Variants in OSBPL10 observed in about 807,000 individuals in gnomAD.
The protein encoded by OSBPL10 is oxysterol-binding protein-related protein 10.
A neutral mutation model predicts 81.7 loss-of-function variants in OSBPL10; 49 were observed. The observed-to-expected ratio is 0.60, with a 90% CI of 0.48 to 0.76. The LOEUF (loss-of-function observed/expected upper bound fraction) is 0.76, where lower values mean the gene tolerates loss of function less well. OSBPL10 is among the 30% of genes least tolerant of loss of function. The pLI is 0.00. For synonymous variants in OSBPL10, 419 were observed against 383.6 expected (o/e 1.09, Z -1.08); for missense variants, 923 against 987.8 (o/e 0.93, Z 0.88).
At chr3:31,770,207 G>C (rs1299541823) in intron 4 of OSBPL10, among the ~76,000 whole-genome samples, 2 of 152,108 alleles carry the variant, frequency 1.3e-5, no homozygotes, top group East Asian at 1.9e-4. Flanking sequence ...CTAATGTTCA[G>C]GTTTAAACTG....
intron 3 of OSBPL10, among the ~76,000 whole-genome samples, chr3:31,870,543 G>A (rs1337373124): frequency 1.2e-4 from 19 of 152,360 alleles, no homozygotes; most frequent in South Asian, 1.0e-3. Flanking sequence ...CTGCAGCCCC[G>A]GTGCGGGATC....
intron 1 of OSBPL10, among the ~76,000 whole-genome samples, chr3:32,070,474 A>T (rs1458872119): frequency 1.3e-5 from 2 of 151,890 alleles, no homozygotes; most frequent in East Asian, 3.9e-4. Flanking sequence ...TCTTCCTCTC[A>T]TATCCCCCAA....
intron 2 of OSBPL10, among the ~76,000 whole-genome samples, chr3:31,987,157 C>T (rs13089767): frequency 0.16 from 24,984 of 152,008 alleles, 2,297 homozygotes; most frequent in South Asian, 0.32. Context: ...TCCTTCCCTT[C>T]GTCCAGACAC....
intron 4 of OSBPL10, among the ~76,000 whole-genome samples, chr3:31,825,282 T>C (rs1050581902): frequency 2.0e-5 from 3 of 152,156 alleles, no homozygotes; most frequent in Non-Finnish European, 4.4e-5. Flanking sequence ...GAAACACAGA[T>C]GCACAGGCCA....
At chr3:31,840,116 C>CA (rs1700456800) in intron 3 of OSBPL10, among the ~76,000 whole-genome samples, 1 of 151,502 alleles carries the variant, frequency 6.6e-6, no homozygotes, top group African/African-American at 2.4e-5. Context: ...TACTTTATGC[C>CA]AGTAATGAAT....
chr3:32,019,132 C>T (rs1575086621), intron 2 of OSBPL10, among the ~76,000 whole-genome samples: 6 of 150,044 alleles, frequency 4.0e-5, no homozygotes, highest in Admixed American at 4.0e-4. Flanking sequence ...ACATCACCCA[C>T]CCCCCCAAAT....
At chr3:32,047,870 T>G (rs1699637873) in intron 1 of OSBPL10, among the ~76,000 whole-genome samples, 1 of 152,092 alleles carries the variant, frequency 6.6e-6, no homozygotes, top group Non-Finnish European at 1.5e-5. Context: ...TTTCACCATG[T>G]TAGCCAGGAT....
At chr3:31,663,832 C>T (rs1193659674) in intron 11 of OSBPL10, 48 of 1,404,066 alleles carry the variant, frequency 3.4e-5, no homozygotes, top group Non-Finnish European at 4.2e-5. Flanking sequence ...GCTTTTCTGA[C>T]ATAGGGATAC....
intron 4 of OSBPL10, among the ~76,000 whole-genome samples, chr3:31,825,312 T>C (rs1700073577): frequency 1.3e-5 from 2 of 152,172 alleles, no homozygotes; most frequent in African/African-American, 4.8e-5. Flanking sequence ...CACAAGGAAG[T>C]ATCTTCCAGT....
rs546153519 is a variant in OSBPL10 at position 31,761,454 on chromosome 3, A to G, written c.730-13334T>C. The stretch of plus-strand genomic sequence containing the variant: ...ACCATTGCACTCCAACCTGGGCAAC[A>G]GAGTGAGACTCCATTTCAAAAAAAA... On this transcript the variant is annotated intron_variant, in intron 4 of 11. Coordinates refer to ENST00000396556, the MANE Select transcript of OSBPL10 (RefSeq NM_017784.5). 1.7e-4 allele frequency among the ~76,000 whole-genome samples: 25 copies of G among 150,392 alleles called. No individual in the cohort carries two copies. In the South Asian group the frequency reaches 3.0e-3, roughly 18 times the overall value.
intron 1 of OSBPL10, among the ~76,000 whole-genome samples, chr3:31,902,719 C>A (rs1048835564): frequency 2.6e-5 from 4 of 152,172 alleles, no homozygotes; most frequent in African/African-American, 4.8e-5. Context: ...CCCGCCACCA[C>A]GCCTGGCTAA....
At chr3:32,033,421 A>G (rs1699489967) in intron 2 of OSBPL10, among the ~76,000 whole-genome samples, 1 of 152,212 alleles carries the variant, frequency 6.6e-6, no homozygotes. Flanking sequence ...AAGGCACTCA[A>G]AAAATACTTG....
At chr3:32,063,756 T>C (rs564798662) in intron 1 of OSBPL10, among the ~76,000 whole-genome samples, 1 of 92,044 alleles carries the variant, frequency 1.1e-5, no homozygotes, top group African/African-American at 2.8e-5. Flanking sequence ...GTTTGGCAGT[T>C]CCCCACTTTC....
Position 31,879,438 on chromosome 3 carries a change from T to G in OSBPL10, c.457+217A>C, listed in dbSNP as rs946640927. ...CTTTGGGAATCACTCACCTTTCCTT[T>G]GTCCTTAATTCCTCAGTTAATTAGG... On this transcript the variant is annotated intron_variant, in intron 2 of 11. Coordinates refer to ENST00000396556, the MANE Select transcript of OSBPL10 (RefSeq NM_017784.5). 1.3e-5 allele frequency: 7 copies of G among 527,848 alleles called. No homozygotes were observed. In the African/African-American group the frequency reaches 1.4e-4, roughly 10 times the overall value. The allele number at this position is 527,848 out of a possible 1,614,324, so 32.7% of individuals were successfully genotyped here.
intron 6 of OSBPL10, among the ~76,000 whole-genome samples, chr3:31,713,650 T>C (rs918897430): frequency 5.3e-5 from 8 of 151,894 alleles, no homozygotes; most frequent in Non-Finnish European, 1.2e-4. Flanking sequence ...GCCCACCTCA[T>C]CCTCCCAAAG....
chr3:31,776,164 G>C (rs1468098409), intron 4 of OSBPL10, among the ~76,000 whole-genome samples: 5 of 152,060 alleles, frequency 3.3e-5, no homozygotes, highest in African/African-American at 1.2e-4. Flanking sequence ...TCTTAAAATT[G>C]AGATTAATTA....
chr3:31,920,154 G>A (rs1016635692), intron 1 of OSBPL10, among the ~76,000 whole-genome samples: 1 of 152,216 alleles, frequency 6.6e-6, no homozygotes, highest in Non-Finnish European at 1.5e-5. Flanking sequence ...TGGTTTAGGG[G>A]AGGAAGGGAG....
intron 4 of OSBPL10, among the ~76,000 whole-genome samples, chr3:31,771,234 G>A (rs999768182): frequency 4.6e-5 from 7 of 152,154 alleles, no homozygotes; most frequent in Admixed American, 4.6e-4. Context: ...TGACAGGCAT[G>A]TAGGAAACAC....
intron 4 of OSBPL10, among the ~76,000 whole-genome samples, chr3:31,819,856 G>A (rs1460369567): frequency 2.0e-5 from 3 of 152,186 alleles, no homozygotes; most frequent in East Asian, 1.9e-4. Context: ...GAGATCATCT[G>A]GATGGGATAG....
Sources: allele counts gnomAD v4.1 joint callset (sites outside exome capture counted in the v4.1 genomes callset), GRCh38; gene constraint gnomAD v4.1.1; transcripts MANE v1.5; gene names NCBI Gene and HGNC (gene_info 2026-07-23, HGNC 2026-07-21).